Variants in CDH4 observed in about 807,000 individuals in gnomAD.
CDH4 encodes the protein cadherin 4, also known as cadherin-4.
In CDH4, 33 loss-of-function variants were observed where a neutral mutation model predicts 86.0. The observed-to-expected ratio is 0.38, with a 90% CI of 0.29 to 0.51. The LOEUF (loss-of-function observed/expected upper bound fraction) is 0.51. Ranked by LOEUF, CDH4 falls within the 20% of genes least tolerant of loss-of-function variation. CDH4 has a pLI of 0.86. For synonymous variants in CDH4, 555 were observed against 549.4 expected (o/e 1.01, Z -0.14); for missense variants, 1,114 against 1,307.4 (o/e 0.85, Z 2.28).
intron 2 of CDH4, among the ~76,000 whole-genome samples, chr20:61,730,881 G>A (rs1328023365): frequency 1.4e-5 from 2 of 146,570 alleles, no homozygotes; most frequent in Non-Finnish European, 3.1e-5. Context: ...TGCAGGCAGC[G>A]GGCTGAGCTG....
At chr20:61,826,962 AGTGTGTGTGTGTGTGTGTGTGT>A (rs11470719) in intron 4 of CDH4, among the ~76,000 whole-genome samples, 1 of 146,086 alleles carries the variant, frequency 6.8e-6, no homozygotes, top group East Asian at 2.0e-4. Context: ...AGAAGGGAAA[AGTGTGTGTGTGTGTGTGTGTGT>A]GTGTGTGTGT....
intron 13 of CDH4, among the ~76,000 whole-genome samples, chr20:61,930,502 G>C (rs1315704057): frequency 1.3e-5 from 2 of 152,146 alleles, no homozygotes; most frequent in African/African-American, 4.8e-5. Context: ...GATCCCAGTG[G>C]GAGGCAGGGC....
chr20:61,546,884 G>T (rs1012802155), intron 2 of CDH4, among the ~76,000 whole-genome samples: 1 of 152,138 alleles, frequency 6.6e-6, no homozygotes, highest in Non-Finnish European at 1.5e-5. Context: ...GGGGCTGCAC[G>T]GGAGACAGGC....
intron 2 of CDH4, among the ~76,000 whole-genome samples, chr20:61,547,669 G>GAAGT (rs2086098851): frequency 6.6e-6 from 1 of 152,136 alleles, no homozygotes; most frequent in Non-Finnish European, 1.5e-5. Context: ...AGGAACCTTT[G>GAAGT]AAGTCAGAAT....
intron 3 of CDH4, among the ~76,000 whole-genome samples, chr20:61,753,472 T>C (rs532917453): frequency 4.9e-4 from 74 of 152,338 alleles, no homozygotes; most frequent in African/African-American, 1.7e-3. Context: ...CTGGAAGAAC[T>C]GTTTTTTGGT....
At chr20:61,474,144 G>A in intron 2 of CDH4, among the ~76,000 whole-genome samples, 2 of 140,266 alleles carry the variant, frequency 1.4e-5, no homozygotes, top group Non-Finnish European at 1.5e-5. Context: ...TTTTGTCATG[G>A]AATAGGACTT....
At chr20:61,266,839 C>T (rs1247778137) in intron 2 of CDH4, among the ~76,000 whole-genome samples, 2 of 152,124 alleles carry the variant, frequency 1.3e-5, no homozygotes, top group Non-Finnish European at 2.9e-5. Flanking sequence ...CCACGCAGAG[C>T]CTCCAAATGT....
chr20:61,667,366 G>C (rs1555822223), intron 2 of CDH4, among the ~76,000 whole-genome samples: 2 of 152,248 alleles, frequency 1.3e-5, no homozygotes, highest in Non-Finnish European at 2.9e-5. Flanking sequence ...CTGTGAGCCA[G>C]GGACCACCAT....
At chr20:61,934,523 CAGT>C (rs748710817) in intron 15 of CDH4, among the ~76,000 whole-genome samples, 1 of 152,232 alleles carries the variant, frequency 6.6e-6, no homozygotes, top group Non-Finnish European at 1.5e-5. Flanking sequence ...GCAGAGGCGC[CAGT>C]AGCAAGCACA....
intron 7 of CDH4, among the ~76,000 whole-genome samples, chr20:61,883,281 C>T (rs960325295): frequency 1.2e-4 from 18 of 152,164 alleles, no homozygotes; most frequent in African/African-American, 1.7e-4. Flanking sequence ...GTTTTCTACA[C>T]GGCCTCTGTC....
At chr20:61,479,515 T>G (rs1319189650) in intron 2 of CDH4, among the ~76,000 whole-genome samples, 1 of 152,174 alleles carries the variant, frequency 6.6e-6, no homozygotes, top group Non-Finnish European at 1.5e-5. Flanking sequence ...ATGTTTATTG[T>G]GGCACTATTC....
intron 2 of CDH4, among the ~76,000 whole-genome samples, chr20:61,419,659 T>TCCC (rs562739597): frequency 4.0e-5 from 6 of 150,802 alleles, no homozygotes; most frequent in Non-Finnish European, 7.4e-5. Flanking sequence ...GCCTCTCTCT[T>TCCC]CCCCCAAAGC....
At chr20:61,848,341 CTT>C (rs1029887492) in intron 5 of CDH4, among the ~76,000 whole-genome samples, 2 of 152,208 alleles carry the variant, frequency 1.3e-5, no homozygotes, top group African/African-American at 4.8e-5. Flanking sequence ...TGCGCAGACA[CTT>C]TTGCACACAC....
chr20:61,299,313 C>A (rs561313054), intron 2 of CDH4, among the ~76,000 whole-genome samples: 124 of 152,286 alleles, frequency 8.1e-4, no homozygotes, highest in African/African-American at 2.7e-3. Context: ...GAGGGCTCCT[C>A]CCAATGGGTC....
At position 61,844,769 on chromosome 20, in the gene CDH4, C is replaced by T. The variant is rs200413512; in HGVS notation, c.678C>T (p.Ser226=). 3.5e-4 allele frequency: 569 copies of T among 1,613,990 alleles called. 6 individuals are homozygous for T. In the South Asian group the frequency reaches 4.0e-3, roughly 11 times the overall value. ...PMEVFSIDSM[S]GRMYVTRPMD... is the part of the protein sequence containing the mutation. ...AGGTCTTCAGCATTGACTCCATGTC[C>T]GGCCGGATGTACGTCACAAGGCCCA... Residue 226 remains serine, a synonymous_variant, in exon 5 of 16, where the codon TCC becomes TCT. Transcript: ENST00000614565.
intron 2 of CDH4, among the ~76,000 whole-genome samples, chr20:61,683,358 T>A (rs60838870): frequency 0.075 from 11,419 of 152,230 alleles, 1,466 homozygotes; most frequent in African/African-American, 0.26. Flanking sequence ...CAGTTTCTGC[T>A]TCACAAAGAA....
intron 2 of CDH4, among the ~76,000 whole-genome samples, chr20:61,297,462 G>A (rs1323717311): frequency 1.3e-5 from 2 of 152,236 alleles, no homozygotes; most frequent in Non-Finnish European, 1.5e-5. Context: ...TTGGTATAAA[G>A]TAATACCCTG....
chr20:61,332,743 G>T (rs1160652824), intron 2 of CDH4, among the ~76,000 whole-genome samples: 3 of 152,218 alleles, frequency 2.0e-5, no homozygotes, highest in Non-Finnish European at 2.9e-5. Context: ...CCTGCTTTGG[G>T]TCTTGCAGGA....
intron 2 of CDH4, among the ~76,000 whole-genome samples, chr20:61,595,062 G>C (rs1033758370): frequency 1.3e-5 from 2 of 152,244 alleles, no homozygotes; most frequent in African/African-American, 4.8e-5. Context: ...GTGTTGCACA[G>C]AGTGGTTGGT....
Sources: gnomAD v4.1 joint callset for allele counts (sites outside exome capture counted in the v4.1 genomes callset) on GRCh38, gnomAD v4.1.1 for gene constraint, MANE v1.5 for transcripts, NCBI Gene and HGNC (gene_info 2026-07-23, HGNC 2026-07-21) for gene names.